The following ADARB2 variants were observed in gnomAD, a reference collection of about 807,000 sequenced individuals.
The protein encoded by ADARB2 is adenosine deaminase RNA specific B2 (inactive), also known as inactive double-stranded RNA-specific editase B2.
In ADARB2, 25 loss-of-function variants were observed where a neutral mutation model predicts 62.2. That is an observed-to-expected ratio of 0.40 (90% CI 0.29 to 0.56). The LOEUF is 0.56. Among genes scored for constraint, ADARB2 ranks in the 20% least tolerant of loss-of-function variants. The pLI is 0.43. For synonymous variants in ADARB2, 572 were observed against 500.8 expected (o/e 1.14, Z -1.90); for missense variants, 1,071 against 1,077.4 (o/e 0.99, Z 0.08).
rs372954225 is a variant in ADARB2, at chr10:1,615,349, C to T, written c.100+121702G>A. 2.0e-5 allele frequency among the ~76,000 whole-genome samples: 3 copies of T among 152,212 alleles called. No homozygotes were observed. In the East Asian group the frequency reaches 5.8e-4, roughly 29 times the overall value. ...GTGTGCCTGCCCCTCCCCAGAGAAG[C>T]TGGGCATCCCCTCCAGCCCATGCTG... On this transcript the variant is annotated intron_variant, in intron 1 of 9. Coordinates refer to ENST00000381312, the MANE Select transcript of ADARB2 (RefSeq NM_018702.4).
intron 7 of ADARB2, among the ~76,000 whole-genome samples, chr10:1,200,903 T>C (rs899235920): frequency 6.6e-6 from 1 of 152,244 alleles, no homozygotes; most frequent in African/African-American, 2.4e-5. Flanking sequence ...ATTGTTCTTT[T>C]CATTAATTAA....
At chr10:1,385,381 G>A (rs532400990) in intron 1 of ADARB2, among the ~76,000 whole-genome samples, 2 of 152,034 alleles carry the variant, frequency 1.3e-5, no homozygotes, top group Non-Finnish European at 2.9e-5. Context: ...ATATTTTTAA[G>A]AATTTAAAAA....
chr10:1,208,991 G>C (rs1267239825), intron 7 of ADARB2, among the ~76,000 whole-genome samples: 1 of 152,184 alleles, frequency 6.6e-6, no homozygotes, highest in Non-Finnish European at 1.5e-5. Flanking sequence ...CAGGCTCAGG[G>C]TATCCTCTTG....
At chr10:1,404,367 G>A (rs1323695557) in intron 1 of ADARB2, among the ~76,000 whole-genome samples, 3 of 152,216 alleles carry the variant, frequency 2.0e-5, no homozygotes, top group Non-Finnish European at 2.9e-5. Context: ...CCCTTGGCAG[G>A]TGCTGAGATG....
chr10:1,560,975 A>G (rs1016293375), intron 1 of ADARB2, among the ~76,000 whole-genome samples: 19 of 152,208 alleles, frequency 1.2e-4, no homozygotes, highest in Non-Finnish European at 2.5e-4. Flanking sequence ...GGGTTTCTAA[A>G]TACCTGACCT....
At chr10:1,439,318 C>G (rs2131894563) in intron 1 of ADARB2, among the ~76,000 whole-genome samples, 1 of 138,644 alleles carries the variant, frequency 7.2e-6, no homozygotes, top group East Asian at 2.2e-4. Context: ...TGAGTCTCTC[C>G]CAGGATGGAG....
At chr10:1,450,426 C>T (rs995151106) in intron 1 of ADARB2, among the ~76,000 whole-genome samples, 79 of 152,344 alleles carry the variant, frequency 5.2e-4, no homozygotes, top group African/African-American at 1.8e-3. Context: ...CTGCCTCCCA[C>T]TCTCGTGGCT....
intron 4 of ADARB2, among the ~76,000 whole-genome samples, chr10:1,244,550 A>G (rs1257633087): frequency 1.3e-5 from 2 of 152,316 alleles, no homozygotes; most frequent in African/African-American, 2.4e-5. Context: ...ACTCAGCACA[A>G]TTACGTGGCC....
intron 4 of ADARB2, 46 bp from the exon 5 acceptor site, chr10:1,242,345 T>TCTCCCTC (rs1340829873): frequency 1.3e-6 from 2 of 1,501,722 alleles, no homozygotes; most frequent in Non-Finnish European, 1.8e-6. Context: ...ACGGCCCCCG[T>TCTCCCTC]CTCCCTCCTC....
At chr10:1,498,195 G>A (rs1019275927) in intron 1 of ADARB2, among the ~76,000 whole-genome samples, 32 of 151,956 alleles carry the variant, frequency 2.1e-4, no homozygotes, top group African/African-American at 3.4e-4. Context: ...CCAACATGGT[G>A]AAACCCATTT....
At chr10:1,212,355 G>A (rs914004773) in intron 7 of ADARB2, among the ~76,000 whole-genome samples, 4 of 152,332 alleles carry the variant, frequency 2.6e-5, no homozygotes, top group East Asian at 1.9e-4. Flanking sequence ...CAAGTGCGGC[G>A]CAATTCTGAA....
chr10:1,728,470 A>C (rs1192704333), intron 1 of ADARB2, among the ~76,000 whole-genome samples: 2 of 152,198 alleles, frequency 1.3e-5, no homozygotes, highest in East Asian at 3.8e-4. Flanking sequence ...TATTTGAATA[A>C]ACGCTTTTGT....
At chr10:1,333,460 A>G (rs1320552866) in intron 3 of ADARB2, among the ~76,000 whole-genome samples, 2 of 152,140 alleles carry the variant, frequency 1.3e-5, no homozygotes, top group African/African-American at 4.8e-5. Context: ...CAGGACCTCA[A>G]CCACCACATG....
rs150604928 is a variant in ADARB2, at chr10:1,586,168, A to G, written c.100+150883T>C. Reference sequence around the variant, plus strand: ...TTAACCTTGGCAAAATAAATTTTCTAAATTGATTGAGACCTGTCTCAGGTA... The same window carrying G: ...TTAACCTTGGCAAAATAAATTTTCTGAATTGATTGAGACCTGTCTCAGGTA... On this transcript the variant is annotated intron_variant, in intron 1 of 9. Coordinates refer to ENST00000381312, the MANE Select transcript of ADARB2 (RefSeq NM_018702.4). Among the ~76,000 whole-genome samples, 243 of 152,334 alleles carry G rather than the reference A, an allele frequency of 1.6e-3. 2 individuals carry two copies. The highest frequency in any genetic ancestry group is 5.5e-3 in the African/African-American group (230 of 41,566).
chr10:1,302,267 G>A (rs1012399812), intron 3 of ADARB2, among the ~76,000 whole-genome samples: 12 of 152,168 alleles, frequency 7.9e-5, no homozygotes, highest in African/African-American at 2.9e-4. Context: ...AAGGGGTGAC[G>A]GACGGCACCT....
At chr10:1,497,356 A>G (rs372951277) in intron 1 of ADARB2, among the ~76,000 whole-genome samples, 30 of 152,228 alleles carry the variant, frequency 2.0e-4, no homozygotes, top group African/African-American at 7.0e-4. Context: ...CATATGAAAT[A>G]TTGCACATTT....
intron 3 of ADARB2, among the ~76,000 whole-genome samples, chr10:1,339,599 G>A (rs1832004431): frequency 6.6e-6 from 1 of 152,210 alleles, no homozygotes; most frequent in Admixed American, 6.5e-5. Context: ...GGCTGCAGTG[G>A]ATTCTTGCCA....
chr10:1,337,497 G>C (rs1831985343), intron 3 of ADARB2, among the ~76,000 whole-genome samples: 1 of 152,138 alleles, frequency 6.6e-6, no homozygotes, highest in Non-Finnish European at 1.5e-5. Flanking sequence ...TCCATGGTAA[G>C]GACTACAATA....
Position 1,363,841 on chromosome 10 carries a change from C to T in ADARB2, c.264G>A (p.Arg88=). ...TCGCGCCGGGCGCGCCGCCCCGGGC[C>T]CGGTCCCCGGAGGGCGGTGGCCGCG... ...LAARPPPSGD[R]ARGGAPGAKR... The change falls in exon 3 of 10, where the codon CGG becomes CGA. Residue 88 remains arginine (R), a synonymous_variant. Coordinates refer to ENST00000381312, the MANE Select transcript of ADARB2 (RefSeq NM_018702.4). The T allele has an allele frequency of 6.4e-7, 1 of 1,554,332 alleles. No individual in the cohort carries two copies. Among genetic ancestry groups the T allele is most frequent in the Non-Finnish European group, 8.6e-7 (1 of 1,157,308 alleles).
Sources: gnomAD v4.1 joint callset for allele counts (sites outside exome capture counted in the v4.1 genomes callset) on GRCh38, gnomAD v4.1.1 for gene constraint, MANE v1.5 for transcripts, NCBI Gene and HGNC (gene_info 2026-07-23, HGNC 2026-07-21) for gene names.